Variants in DAP3 observed in about 807,000 individuals in gnomAD.
DAP3 encodes small ribosomal subunit protein mS29.
Under a neutral mutation model 51.9 loss-of-function variants are expected in DAP3, and 28 were observed. The observed-to-expected ratio is 0.54, with a 90% CI of 0.40 to 0.74. DAP3 has a LOEUF of 0.74. DAP3 is among the 30% of genes least tolerant of loss of function. The pLI, the probability that DAP3 is intolerant of heterozygous loss-of-function variation, is 0.00. For synonymous variants in DAP3, 170 were observed against 170.3 expected (o/e 1.00, Z 0.01); for missense variants, 458 against 483.5 (o/e 0.95, Z 0.49).
chr1:155,733,697 T>G (rs1489881207), intron 11 of DAP3, among the ~76,000 whole-genome samples: 6 of 150,850 alleles, frequency 4.0e-5, no homozygotes, highest in Non-Finnish European at 7.4e-5. Flanking sequence ...ATTAGCCAGG[T>G]GTGGTGGTGC....
In DAP3 at chr1:155,717,019, G is replaced by T; in HGVS notation, c.59G>T (p.Arg20Leu). The T allele has an allele frequency of 6.2e-7, 1 of 1,613,828 alleles. No individual in the cohort carries two copies. ...ISRIHKLDPG[R>L]FLHMGTQARQ... ...TTTCTCTTATAGTTGGACCCTGGGC[G>T]TTTTTTACACATGGGGACCCAGGCT... The change falls in exon 3 of 13, where the codon CGT becomes CTT. Residue 20 changes from arginine to leucine, a missense_variant. Coordinates refer to ENST00000368336, the MANE Select transcript of DAP3 (RefSeq NM_004632.4).
At position 155,721,623 on chromosome 1, in the gene DAP3, T is replaced by C; in HGVS notation, c.270+5T>C. On this transcript the variant is annotated splice_donor_5th_base_variant and intron_variant, in intron 4 of 12. Coordinates refer to ENST00000368336, the MANE Select transcript of DAP3 (RefSeq NM_004632.4). Reference sequence around the variant, plus strand: ...CCTCCTCGCTTTGTGATGCAGGTGCTCAAGACAGGGAATGGAATTGGAGGG... The same window carrying C: ...CCTCCTCGCTTTGTGATGCAGGTGCCCAAGACAGGGAATGGAATTGGAGGG... 1.2e-6 allele frequency: 2 copies of C among 1,614,014 alleles called. No individual in the cohort carries two copies. The highest frequency in any genetic ancestry group is 1.7e-6 in the Non-Finnish European group (2 of 1,179,962).
At chr1:155,731,090 A>G (rs1429599281) in intron 9 of DAP3, among the ~76,000 whole-genome samples, 2 of 151,974 alleles carry the variant, frequency 1.3e-5, no homozygotes, top group Non-Finnish European at 2.9e-5. Flanking sequence ...TAACACGGGG[A>G]AACCCTGTCT....
chr1:155,731,708 C>T lies in DAP3; in HGVS notation c.904-236C>T, dbSNP rs533913997. 1.9e-4 allele frequency among the ~76,000 whole-genome samples: 29 copies of T among 152,012 alleles called. No individual in the cohort carries two copies. The South Asian group carries it at 4.8e-3, about 25-fold the overall frequency. The stretch of plus-strand genomic sequence containing the variant: ...TTAAAGTGTTTTTGTATCTCCTTAC[C>T]GTCTTTGGAAAAGAGTTTGAGACCC... On this transcript the variant is annotated intron_variant, in intron 10 of 12. Transcript: ENST00000368336.
At chr1:155,724,654 A>G (rs1476386376) in intron 4 of DAP3, among the ~76,000 whole-genome samples, 1 of 149,696 alleles carries the variant, frequency 6.7e-6, no homozygotes, top group Non-Finnish European at 1.5e-5. Flanking sequence ...AAAAAAAAAA[A>G]TCAACTAAAA....
upstream of DAP3, chr1:155,688,227 G>A (rs772359176): frequency 3.7e-6 from 6 of 1,613,084 alleles, no homozygotes; most frequent in African/African-American, 2.7e-5. Flanking sequence ...GAGAGGAGAA[G>A]GGAAAGGTGG....
rs1657419295 is a variant in DAP3, at chr1:155,717,029, C to T, written c.69C>T (p.His23=). Residue 23 remains histidine (H), a synonymous_variant, in exon 3 of 13, where the codon CAC becomes CAT. Coordinates refer to ENST00000368336, the MANE Select transcript of DAP3 (RefSeq NM_004632.4). ...AGTTGGACCCTGGGCGTTTTTTACA[C>T]ATGGGGACCCAGGCTCGCCAAAGCA... is the stretch of plus-strand genomic sequence containing the variant. ...IHKLDPGRFL[H]MGTQARQSIA... The T allele has an allele frequency of 1.2e-6, 2 of 1,612,804 alleles. No individual in the cohort carries two copies. Among genetic ancestry groups the T allele is most frequent in the Admixed American group, 1.7e-5 (1 of 59,948 alleles).
intron 3 of DAP3, 100 bp downstream of exon 3, chr1:155,717,228 A>G (rs1657448607): frequency 1.9e-6 from 3 of 1,546,338 alleles, no homozygotes; most frequent in Non-Finnish European, 2.6e-6. Flanking sequence ...AGCTTAGTAG[A>G]TTTGCATTTA....
Position 155,737,059 on chromosome 1 carries a change from G to A in DAP3, c.1107G>A (p.Glu369=). 1.9e-6 allele frequency: 3 copies of A among 1,607,690 alleles called. No individual in the cohort carries two copies. The highest frequency in any genetic ancestry group is 2.6e-6 in the Non-Finnish European group (3 of 1,174,346). The stretch of plus-strand genomic sequence containing the variant: ...TGGAAAACAATTGGCTTCAACATGA[G>A]AAAGGTCCATCATTTAGTTTTTTCC... ...YYLENNWLQH[E]KAPTEEGKKE... Residue 369 remains glutamate (E), a synonymous_variant, in exon 12 of 13, where the codon GAG becomes GAA. Coordinates refer to ENST00000368336, the MANE Select transcript of DAP3 (RefSeq NM_004632.4).
intron 1 of DAP3, among the ~76,000 whole-genome samples, chr1:155,706,445 G>T (rs528971965): frequency 6.6e-6 from 1 of 152,280 alleles, no homozygotes; most frequent in South Asian, 2.1e-4. Context: ...GCAACTCTAT[G>T]GTTGTTATTA....
intron 9 of DAP3, 36 bp from the exon 10 acceptor site, chr1:155,731,320 G>A (rs370523372): frequency 4.6e-5 from 73 of 1,598,852 alleles, no homozygotes; most frequent in Non-Finnish European, 6.0e-5. Flanking sequence ...GGAAAGGCAC[G>A]TGATGATCTC....
intron 1 of DAP3, among the ~76,000 whole-genome samples, chr1:155,708,851 C>T (rs988303749): frequency 6.6e-6 from 1 of 151,258 alleles, no homozygotes; most frequent in Non-Finnish European, 1.5e-5. Context: ...ACTACAGGCG[C>T]CCACCACCAC....
intron 1 of DAP3, among the ~76,000 whole-genome samples, chr1:155,702,402 G>A (rs1655419915): frequency 6.6e-6 from 1 of 152,106 alleles, no homozygotes; most frequent in African/African-American, 2.4e-5. Flanking sequence ...GAACCCGGGA[G>A]GCAGAGGTTG....
intron 9 of DAP3, among the ~76,000 whole-genome samples, chr1:155,729,971 T>G (rs10908480): frequency 0.3 from 44,614 of 151,186 alleles, 7,262 homozygotes; most frequent in East Asian, 0.7. Flanking sequence ...TCCCAGTTAC[T>G]CGGGAGGCTG....
At chr1:155,701,092 C>G (rs1158172989) in intron 1 of DAP3, among the ~76,000 whole-genome samples, 5 of 129,762 alleles carry the variant, frequency 3.9e-5, no homozygotes, top group African/African-American at 1.9e-4. Flanking sequence ...CCGCCCCGTC[C>G]GGGAGGTGAG....
intron 1 of DAP3, among the ~76,000 whole-genome samples, chr1:155,695,623 T>C (rs1488774267): frequency 6.6e-6 from 1 of 152,216 alleles, no homozygotes; most frequent in Admixed American, 6.5e-5. Context: ...AGTTGAACAA[T>C]TGATAAAGCT....
upstream of DAP3, chr1:155,688,441 C>G: frequency 6.5e-7 from 1 of 1,548,516 alleles, no homozygotes; most frequent in Non-Finnish European, 8.7e-7. Flanking sequence ...CCCACGGTCC[C>G]CCGCTTCGCC....
intron 1 of DAP3, among the ~76,000 whole-genome samples, chr1:155,692,272 A>G (rs1470716530): frequency 4.2e-5 from 6 of 141,604 alleles, no homozygotes; most frequent in Admixed American, 4.0e-4. Flanking sequence ...TGGCGATAAG[A>G]AGGCTTTCCT....
intron 1 of DAP3, among the ~76,000 whole-genome samples, chr1:155,702,007 G>T (rs1446390918): frequency 1.3e-5 from 2 of 150,318 alleles, no homozygotes; most frequent in Admixed American, 6.6e-5. Context: ...CTTAATTCCA[G>T]AAGAAGATAG....
Sources: gnomAD v4.1 joint callset for allele counts (sites outside exome capture counted in the v4.1 genomes callset) on GRCh38, gnomAD v4.1.1 for gene constraint, MANE v1.5 for transcripts, NCBI Gene and HGNC (gene_info 2026-07-23, HGNC 2026-07-21) for gene names.